COL21A1: variants seen among roughly 807,000 people sequenced by gnomAD.
COL21A1 encodes the protein collagen type XXI alpha 1 chain.
COL21A1 carries 149 observed loss-of-function variants against 137.9 expected under a neutral mutation model. The observed-to-expected ratio is 1.08, with a 90% CI of 0.95 to 1.24. The LOEUF is 1.24. COL21A1 is among the 50% of genes most tolerant of loss of function. COL21A1 has a pLI of 0.00. For synonymous variants in COL21A1, 456 were observed against 391.5 expected (o/e 1.16, Z -1.95); for missense variants, 1,167 against 1,158.4 (o/e 1.01, Z -0.11).
chr6:56,202,289 A>G (rs925340997), intron 1 of COL21A1, among the ~76,000 whole-genome samples: 3 of 152,298 alleles, frequency 2.0e-5, no homozygotes, highest in African/African-American at 7.2e-5. Context: ...TGGAGGAAAA[A>G]GGGAAAATCA....
intron 16 of COL21A1, among the ~76,000 whole-genome samples, chr6:56,111,439 A>C (rs1276025390): frequency 6.6e-6 from 1 of 152,220 alleles, no homozygotes; most frequent in African/African-American, 2.4e-5. Flanking sequence ...GTAATGTGCC[A>C]ATATTGGTTT....
chr6:56,281,634 G>C (rs769320046), intron 1 of COL21A1, among the ~76,000 whole-genome samples: 10 of 152,182 alleles, frequency 6.6e-5, no homozygotes, highest in Non-Finnish European at 1.3e-4. Flanking sequence ...GGATTTGTCT[G>C]TCTCTTTCTT....
At chr6:56,229,609 A>G (rs1781422152) in intron 1 of COL21A1, among the ~76,000 whole-genome samples, 4 of 152,054 alleles carry the variant, frequency 2.6e-5, no homozygotes, top group South Asian at 4.1e-4. Context: ...TACGTCCACT[A>G]TGAGCTGTCT....
chr6:56,241,722 A>G (rs1236491071), intron 1 of COL21A1, among the ~76,000 whole-genome samples: 1 of 152,186 alleles, frequency 6.6e-6, no homozygotes, highest in East Asian at 1.9e-4. Context: ...CACATTGAAC[A>G]CTTTCTAAAG....
intron 10 of COL21A1, among the ~76,000 whole-genome samples, chr6:56,153,962 T>A (rs1227502132): frequency 1.3e-5 from 2 of 152,194 alleles, no homozygotes; most frequent in Non-Finnish European, 2.9e-5. Flanking sequence ...AAGTCCCAAC[T>A]GGCCACCTCC....
In COL21A1 at chr6:56,179,220, C is replaced by T. The variant is rs149013119; in HGVS notation, c.640+358G>A. ...TGTAAAGTACAGAAAAACTCATTAA[C>T]GGGGTGATATGATTATGTGTGATTT... On this transcript the variant is annotated intron_variant, in intron 3 of 29. Coordinates refer to ENST00000244728, the MANE Select transcript of COL21A1 (RefSeq NM_030820.4). Among the ~76,000 whole-genome samples the T allele has an allele frequency of 7.7e-4, 117 of 151,884 alleles. 1 individual carries two copies. The highest frequency in any genetic ancestry group is 7.1e-3 in the Middle Eastern group (2 of 280).
At chr6:56,161,989 G>T (rs545681260) in intron 9 of COL21A1, among the ~76,000 whole-genome samples, 1 of 152,212 alleles carries the variant, frequency 6.6e-6, no homozygotes, top group East Asian at 1.9e-4. Flanking sequence ...CAGGTCACTC[G>T]ATTTGATGGA....
chr6:56,268,949 A>C lies in COL21A1; in HGVS notation c.-38-86293T>G, dbSNP rs115139247. On this transcript the variant is annotated intron_variant, in intron 1 of 28. Coordinates refer to the COL21A1 transcript ENST00000370819. ...AACAAAACTGAATTTCTGAACTGAA[A>C]AATTTACCACAAGAATTTCATAATA... is the stretch of plus-strand genomic sequence containing the variant. Among the ~76,000 whole-genome samples the C allele has an allele frequency of 6.2e-3, 938 of 152,324 alleles. 13 individuals are homozygous for C. The highest frequency in any genetic ancestry group is 0.021 in the African/African-American group (871 of 41,572).
chr6:56,393,162 T>A (rs976275957), intron 1 of COL21A1, among the ~76,000 whole-genome samples: 1 of 151,214 alleles, frequency 6.6e-6, no homozygotes, highest in Admixed American at 6.6e-5. Flanking sequence ...AACAGACCAA[T>A]GGAACAGAAG....
At chr6:56,130,211 A>ATATATG (rs1561898497) in intron 12 of COL21A1, among the ~76,000 whole-genome samples, 1 of 32,486 alleles carries the variant, frequency 3.1e-5, no homozygotes, top group African/African-American at 9.2e-5. Context: ...ATATATATAT[A>ATATATG]AAATTTCAAA....
chr6:56,327,144 T>C (rs1165772784), intron 1 of COL21A1, among the ~76,000 whole-genome samples: 1 of 49,148 alleles, frequency 2.0e-5, no homozygotes, highest in Non-Finnish European at 4.0e-5. Flanking sequence ...TTATATATTG[T>C]CAAATGCTCT....
At chr6:56,150,562 ACAC>A (rs1561920330) in intron 10 of COL21A1, among the ~76,000 whole-genome samples, 13,259 of 143,448 alleles carry the variant, frequency 0.092, 972 homozygotes, top group African/African-American at 0.14. Flanking sequence ...ACACACACAC[ACAC>A]AAGAGTGGGG....
chr6:56,376,272 A>G (rs2093999098), intron 1 of COL21A1, among the ~76,000 whole-genome samples: 1 of 152,202 alleles, frequency 6.6e-6, no homozygotes, highest in African/African-American at 2.4e-5. Flanking sequence ...AACCTTTGGC[A>G]TAACAGTTTC....
chr6:56,310,734 C>G (rs1404374493), intron 1 of COL21A1, among the ~76,000 whole-genome samples: 2 of 151,962 alleles, frequency 1.3e-5, no homozygotes, highest in Admixed American at 1.3e-4. Flanking sequence ...GCTTTACCAT[C>G]CAATGCTAAG....
upstream of COL21A1, among the ~76,000 whole-genome samples, chr6:56,251,154 T>C (rs1023370290): frequency 2.6e-5 from 4 of 152,214 alleles, no homozygotes; most frequent in African/African-American, 9.6e-5. Flanking sequence ...GTAATTGATA[T>C]ATTGCTCTCT....
intron 1 of COL21A1, among the ~76,000 whole-genome samples, chr6:56,271,956 T>G (rs901870802): frequency 6.6e-6 from 1 of 152,202 alleles, no homozygotes; most frequent in African/African-American, 2.4e-5. Flanking sequence ...TGGAAATGAC[T>G]GGTGATCCAG....
Position 56,057,537 on chromosome 6 carries a change from A to T in COL21A1, c.*120T>A. 1.1e-6 allele frequency: 1 copy of T among 929,532 alleles called. No homozygotes were observed. Among genetic ancestry groups the T allele is most frequent in the Non-Finnish European group, 1.6e-6 (1 of 612,852 alleles). The allele number at this position is 929,532 out of a possible 1,614,324, so 57.6% of individuals were successfully genotyped here. The stretch of plus-strand genomic sequence containing the variant: ...TATATTTTTTTCCATAAGAAAAAAA[A>T]AATAAAAACACCGAGGTACTTAAGT... On this transcript the variant is annotated 3_prime_UTR_variant, in exon 30 of 30. Coordinates refer to ENST00000244728, the MANE Select transcript of COL21A1 (RefSeq NM_030820.4).
intron 1 of COL21A1, among the ~76,000 whole-genome samples, chr6:56,362,080 C>T (rs1188236253): frequency 6.6e-6 from 1 of 152,142 alleles, no homozygotes. Context: ...AATCCACCCC[C>T]GACCCGTCCA....
intron 1 of COL21A1, among the ~76,000 whole-genome samples, chr6:56,234,496 A>G (rs1781781029): frequency 6.6e-6 from 1 of 151,792 alleles, no homozygotes; most frequent in African/African-American, 2.4e-5. Context: ...TACTTTCTAT[A>G]TTTTCTATTA....
Sources: gnomAD v4.1 joint callset for allele counts (sites outside exome capture counted in the v4.1 genomes callset) on GRCh38, gnomAD v4.1.1 for gene constraint, MANE v1.5 for transcripts, NCBI Gene and HGNC (gene_info 2026-07-23, HGNC 2026-07-21) for gene names.